The following PRMT8 variants were observed in gnomAD, a reference collection of about 807,000 sequenced individuals.
PRMT8 encodes protein arginine methyltransferase 8.
In PRMT8, 7 loss-of-function variants were observed where a neutral mutation model predicts 47.1. That is an observed-to-expected ratio of 0.15 (90% confidence interval 0.08 to 0.28). The LOEUF (loss-of-function observed/expected upper bound fraction) is 0.28, where lower values mean the gene tolerates loss of function less well. PRMT8 is among the 10% of genes least tolerant of loss of function. PRMT8 has a pLI of 1.00. For missense variants in PRMT8, 237 were observed against 505.4 expected, an observed-to-expected ratio of 0.47 and a Z score of 5.09; for synonymous variants, 188 against 186.5, an observed-to-expected ratio of 1.01 and a Z score of -0.07.
rs538870872 is a variant in PRMT8, at chr12:3,557,314, G to C, written c.481+3600G>C. ...TGCTGGGAGCATGCAGCAGAGGGAG[G>C]GGGAGCTGGAAGTTGATGACAGTGA... On this transcript the variant is annotated intron_variant, in intron 4 of 9. Coordinates refer to ENST00000382622, the MANE Select transcript of PRMT8 (RefSeq NM_019854.5). This position sits in a 1 kb window ranked among gnomAD's most constrained non-coding sequence, Gnocchi z 4.7. Among the ~76,000 whole-genome samples, 28 of 152,304 alleles carry C rather than the reference G, an allele frequency of 1.8e-4. No individual in the cohort carries two copies. Among genetic ancestry groups the C allele is most frequent in the African/African-American group, 6.7e-4 (28 of 41,558 alleles).
intron 4 of PRMT8, among the ~76,000 whole-genome samples, chr12:3,565,206 T>G (rs1866699213): frequency 6.6e-6 from 1 of 152,134 alleles, no homozygotes; most frequent in South Asian, 2.1e-4. Flanking sequence ...TCAGTACACA[T>G]TTGAAGAACC....
intron 1 of PRMT8, among the ~76,000 whole-genome samples, chr12:3,509,864 C>G (rs1865684550): frequency 6.6e-6 from 1 of 152,202 alleles, no homozygotes; most frequent in Non-Finnish European, 1.5e-5. Context: ...GGTTTTTAAT[C>G]AATGCAAACT....
chr12:3,491,574 GCTCT>G lies in PRMT8; in HGVS notation c.-46_-43del. 2.5e-6 allele frequency: 4 copies of G among 1,576,534 alleles called. No individual in the cohort carries two copies. The highest frequency in any genetic ancestry group is 1.1e-5 in the South Asian group (1 of 86,980). The stretch of plus-strand genomic sequence containing the variant: ...CGCTCTCTCTTTTAAAGCGACACCA[GCTCT>G]CTCTCCTCCTCTACTATCTCGGTAT... On this transcript the variant is annotated 5_prime_UTR_variant, in exon 1 of 10. Coordinates refer to ENST00000382622, the MANE Select transcript of PRMT8 (RefSeq NM_019854.5).
At chr12:3,528,551 C>T (rs1251758085) in intron 1 of PRMT8, among the ~76,000 whole-genome samples, 1 of 151,992 alleles carries the variant, frequency 6.6e-6, no homozygotes, top group Admixed American at 6.5e-5. Flanking sequence ...ATCTTTCCTC[C>T]AGCTTCCTGG....
Position 3,552,524 on chromosome 12 carries a change from T to A in PRMT8, c.418-1127T>A. On this transcript the variant is annotated intron_variant, in intron 3 of 9. Transcript: ENST00000382622. The surrounding 1 kb of genome is among the most constrained non-coding windows in gnomAD (Gnocchi z 4.5). The stretch of plus-strand genomic sequence containing the variant: ...ACATGGTCGCCTCTTGCAGATCAGA[T>A]GATGACATGGCCAGAGGGGGAGAAG... The A allele has an allele frequency of 6.2e-6, 2 of 322,302 alleles. No individual in the cohort carries two copies. The highest frequency in any genetic ancestry group is 1.2e-5 in the Non-Finnish European group (2 of 160,070). 20.0% of individuals were successfully genotyped at this position (322,302 alleles called of 1,614,324 possible). A position where few individuals can be genotyped will look rare whatever the true frequency, so the allele number is the denominator to read the frequency against.
At chr12:3,520,726 C>A (rs1012776879) in intron 1 of PRMT8, among the ~76,000 whole-genome samples, 1 of 152,142 alleles carries the variant, frequency 6.6e-6, no homozygotes, top group African/African-American at 2.4e-5. Flanking sequence ...ATTGTTCAGC[C>A]CAAATCTGTA....
In PRMT8 at chr12:3,580,381, C is replaced by T. The variant is rs1030047823; in HGVS notation, c.829-2677C>T. 7.3e-5 allele frequency among the ~76,000 whole-genome samples: 11 copies of T among 150,474 alleles called. No homozygotes were observed. Among genetic ancestry groups the T allele is most frequent in the East Asian group, 3.9e-4 (2 of 5,122 alleles). ...GTGTGTGTGTGTACGCGTGCGCATG[C>T]GGGATAGAAGGAGAAAGTAACCACG... On this transcript the variant is annotated intron_variant, in intron 7 of 9. Transcript: ENST00000382622. The surrounding 1 kb of genome is among the most constrained non-coding windows in gnomAD (Gnocchi z 4.6).
chr12:3,431,728 G>A lies in PRMT8; in HGVS notation c.48+50286G>A, dbSNP rs1408041459. 2.0e-5 allele frequency among the ~76,000 whole-genome samples: 3 copies of A among 152,222 alleles called. No homozygotes were observed. The South Asian group carries it at 6.2e-4, about 32-fold the overall frequency. Reference sequence around the variant, plus strand: ...CCTTCTAGAGACATTGGCCAGAACTGTTTCCTCAGAGAGTCTGAGCCAAGG... The same window carrying A: ...CCTTCTAGAGACATTGGCCAGAACTATTTCCTCAGAGAGTCTGAGCCAAGG... On this transcript the variant is annotated intron_variant, in intron 1 of 9. Coordinates refer to the PRMT8 transcript ENST00000452611.
At position 3,572,149 on chromosome 12, in the gene PRMT8, C is replaced by A. The variant is rs1302820929; in HGVS notation, c.712+2585C>A. ...GTGCAAGAATGAGGTCAGTGCAGAA[C>A]CTGCCCTCCATTTGCTCACCAATGA... On this transcript the variant is annotated intron_variant, in intron 6 of 9. Coordinates refer to ENST00000382622, the MANE Select transcript of PRMT8 (RefSeq NM_019854.5). This position sits in a 1 kb window ranked among gnomAD's most constrained non-coding sequence, Gnocchi z 5.9. Among the ~76,000 whole-genome samples, 1 of 152,116 alleles carries A rather than the reference C, an allele frequency of 6.6e-6. No homozygotes were observed. Among genetic ancestry groups the A allele is most frequent in the Non-Finnish European group, 1.5e-5 (1 of 68,034 alleles).
At chr12:3,540,875 C>T in intron 2 of PRMT8, 84 bp downstream of exon 2, 2 of 1,403,348 alleles carry the variant, frequency 1.4e-6, no homozygotes, top group Non-Finnish European at 2.0e-6. Context: ...GTGTGTTCAA[C>T]TCCTTACCAT....
In PRMT8 at chr12:3,576,700, A is replaced by G. The variant is rs570101350; in HGVS notation, c.713-171A>G. ...GGTAGAAATGGAAATGGGAGTGAGCATTTGGCACATTGCAAAGTGCCCCCA... is the reference window on the plus strand; with the variant it reads ...GGTAGAAATGGAAATGGGAGTGAGCGTTTGGCACATTGCAAAGTGCCCCCA... On this transcript the variant is annotated intron_variant, in intron 6 of 9. Coordinates refer to ENST00000382622, the MANE Select transcript of PRMT8 (RefSeq NM_019854.5). The surrounding 1 kb of genome is among the most constrained non-coding windows in gnomAD (Gnocchi z 4.0). 3.3e-5 allele frequency among the ~76,000 whole-genome samples: 5 copies of G among 152,260 alleles called. No individual in the cohort carries two copies. Among genetic ancestry groups the G allele is most frequent in the African/African-American group, 1.2e-4 (5 of 41,546 alleles).
rs893004722 is a variant in PRMT8, at chr12:3,381,569, C to G, written c.48+127C>G. 8 of 861,600 alleles carry G rather than the reference C, an allele frequency of 9.3e-6. No homozygotes were observed. The African/African-American group carries it at 1.3e-4, about 15-fold the overall frequency. 53.4% of individuals were successfully genotyped at this position (861,600 alleles called of 1,614,324 possible). A position where few individuals can be genotyped will look rare whatever the true frequency, so the allele number is the denominator to read the frequency against. On this transcript the variant is annotated intron_variant, in intron 1 of 9. Transcript: ENST00000452611. ...TGTCATCTGCAGAGCCTGCTCACGT[C>G]TCTGTTTCTAAGTTCATAACATGCT...
intron 4 of PRMT8, among the ~76,000 whole-genome samples, chr12:3,567,909 A>C (rs1401958958): frequency 6.6e-6 from 1 of 152,036 alleles, no homozygotes; most frequent in East Asian, 1.9e-4. Context: ...CCCCGTCTCT[A>C]CTAAAAATAC....
rs1173562679 is a variant in PRMT8, at chr12:3,570,703, G to A, written c.712+1139G>A. ...GACTCTGCTATGGATGTGTGTATTTGTGTGGGTTCATGCCTTTCTGGAAAT... is the reference window on the plus strand; with the variant it reads ...GACTCTGCTATGGATGTGTGTATTTATGTGGGTTCATGCCTTTCTGGAAAT... On this transcript the variant is annotated intron_variant, in intron 6 of 9. Transcript: ENST00000382622. The surrounding 1 kb of genome is among the most constrained non-coding windows in gnomAD (Gnocchi z 5.5). 6.6e-6 allele frequency among the ~76,000 whole-genome samples: 1 copy of A among 152,228 alleles called. No homozygotes were observed. The highest frequency in any genetic ancestry group is 1.5e-5 in the Non-Finnish European group (1 of 68,042).
At chr12:3,568,530 C>T (rs545193950) in intron 4 of PRMT8, among the ~76,000 whole-genome samples, 176 bp from the exon 5 acceptor site, 2 of 152,266 alleles carry the variant, frequency 1.3e-5, no homozygotes, top group African/African-American at 4.8e-5. Context: ...GGAAAACATG[C>T]AGGTAGTTTT....
At chr12:3,547,640 C>T (rs888037807) in intron 2 of PRMT8, among the ~76,000 whole-genome samples, 4 of 152,100 alleles carry the variant, frequency 2.6e-5, no homozygotes, top group African/African-American at 9.7e-5. Context: ...ATTAGCCAGT[C>T]TCATAACCCA....
At chr12:3,428,083 C>G (rs561849392) in intron 1 of PRMT8, among the ~76,000 whole-genome samples, 2 of 152,158 alleles carry the variant, frequency 1.3e-5, no homozygotes, top group Non-Finnish European at 2.9e-5. Flanking sequence ...TTTTTCCCTT[C>G]AATTACCCTG....
At chr12:3,483,006 G>A (rs1437360302) in intron 1 of PRMT8, among the ~76,000 whole-genome samples, 1 of 152,172 alleles carries the variant, frequency 6.6e-6, no homozygotes, top group Non-Finnish European at 1.5e-5. Context: ...TGGTGTCAAG[G>A]AGACAAGGTT....
chr12:3,398,806 A>G (rs1864289351), intron 1 of PRMT8, among the ~76,000 whole-genome samples: 1 of 152,162 alleles, frequency 6.6e-6, no homozygotes, highest in Admixed American at 6.5e-5. Flanking sequence ...TGACGTTAGG[A>G]GGCTCACCAG....
Sources: gnomAD v4.1 joint callset for allele counts (sites outside exome capture counted in the v4.1 genomes callset) on GRCh38, gnomAD v4.1.1 for gene constraint, Gnocchi (gnomAD v3.1) non-coding constraint, MANE v1.5 for transcripts, NCBI Gene and HGNC (gene_info 2026-07-23, HGNC 2026-07-21) for gene names.